The following RARB variants were observed in gnomAD, a reference collection of about 807,000 sequenced individuals.
The protein encoded by RARB is HBV-activated protein.
RARB carries 17 observed loss-of-function variants against 51.9 expected under a neutral mutation model. The observed-to-expected ratio is 0.33, with a 90% confidence interval of 0.22 to 0.49. RARB has a LOEUF of 0.49. RARB is among the 20% of genes least tolerant of loss of function. RARB has a pLI of 0.99. For missense variants in RARB, 369 were observed against 550.8 expected (o/e 0.67, Z 3.30); for synonymous variants, 215 against 195.4 (o/e 1.10, Z -0.84).
chr3:25,409,025 CTCTG>C (rs1707489824), intron 5 of RARB, among the ~76,000 whole-genome samples: 1 of 152,156 alleles, frequency 6.6e-6, no homozygotes, highest in Admixed American at 6.5e-5. Flanking sequence ...CACAGCGAGA[CTCTG>C]TCTCAAAATA....
At chr3:24,995,471 C>A (rs866582757) in intron 2 of RARB, among the ~76,000 whole-genome samples, 1 of 151,956 alleles carries the variant, frequency 6.6e-6, no homozygotes, top group Non-Finnish European at 1.5e-5. Context: ...CTTTGTCTTG[C>A]CAAATTTCTC....
Position 24,913,461 on chromosome 3 carries a change from TCATA to T in RARB, c.-380+54713_-380+54716del, listed in dbSNP as rs536920940. Among the ~76,000 whole-genome samples the T allele has an allele frequency of 3.4e-4, 50 of 149,120 alleles. No individual in the cohort carries two copies. The South Asian group carries it at 0.011, about 32-fold the overall frequency. On this transcript the variant is annotated intron_variant, in intron 2 of 11. Coordinates refer to the RARB transcript ENST00000383772. ...TATAGTACTAATTCAGAAGTATAGC[TCATA>T]CATTTCTCTCAATTCAAGGGCAGAG...
intron 5 of RARB, among the ~76,000 whole-genome samples, chr3:25,268,367 G>A (rs934805337): frequency 1.4e-5 from 2 of 143,554 alleles, no homozygotes; most frequent in African/African-American, 5.1e-5. Context: ...TGGCACTTCT[G>A]ATTCACAGTC....
intron 1 of RARB, among the ~76,000 whole-genome samples, chr3:24,851,537 C>T (rs928921940): frequency 6.6e-6 from 1 of 152,108 alleles, no homozygotes; most frequent in African/African-American, 2.4e-5. Flanking sequence ...AACAGCCTAT[C>T]CCTAATGCAA....
intron 5 of RARB, among the ~76,000 whole-genome samples, chr3:25,225,031 T>C (rs1261007283): frequency 6.6e-6 from 1 of 152,222 alleles, no homozygotes; most frequent in African/African-American, 2.4e-5. Context: ...TCTAGATTTA[T>C]AAAACCATTA....
chr3:25,033,009 T>TCA (rs1697907214), intron 2 of RARB, among the ~76,000 whole-genome samples: 1 of 152,222 alleles, frequency 6.6e-6, no homozygotes, highest in Non-Finnish European at 1.5e-5. Context: ...ACACATCAAC[T>TCA]TAAGTCATTC....
At chr3:25,417,739 ATCTT>A (rs1396590433) in intron 5 of RARB, among the ~76,000 whole-genome samples, 1 of 152,230 alleles carries the variant, frequency 6.6e-6, no homozygotes, top group Non-Finnish European at 1.5e-5. Flanking sequence ...GAGAAATACT[ATCTT>A]TCTTCTTCTT....
At chr3:25,457,411 G>A (rs1460728457) in intron 1 of RARB, among the ~76,000 whole-genome samples, 2 of 152,190 alleles carry the variant, frequency 1.3e-5, no homozygotes, top group Non-Finnish European at 1.5e-5. Context: ...AAAGTTCCTA[G>A]AATTATTGGT....
chr3:24,988,028 A>G (rs1287220744), intron 2 of RARB, among the ~76,000 whole-genome samples: 1 of 151,982 alleles, frequency 6.6e-6, no homozygotes, highest in African/African-American at 2.4e-5. Context: ...TAAGTAACAG[A>G]GTGCTTGAGA....
At chr3:25,294,055 G>A (rs534065059) in intron 5 of RARB, among the ~76,000 whole-genome samples, 7 of 152,230 alleles carry the variant, frequency 4.6e-5, no homozygotes, top group East Asian at 1.9e-4. Context: ...GATGTTCACC[G>A]AAGGATTCAC....
chr3:25,569,215 C>A lies in RARB; in HGVS notation c.449-543C>A, dbSNP rs559541464. Reference sequence around the variant, plus strand: ...TGGTTCATACAGAAAGTTTAGAAAGCAGAAAAACACGAAGGGACAAAAACC... The same window carrying A: ...TGGTTCATACAGAAAGTTTAGAAAGAAGAAAAACACGAAGGGACAAAAACC... On this transcript the variant is annotated intron_variant, in intron 3 of 7. Coordinates refer to ENST00000330688, the MANE Select transcript of RARB (RefSeq NM_000965.5). Among the ~76,000 whole-genome samples the A allele has an allele frequency of 2.3e-4, 35 of 152,300 alleles. No individual in the cohort carries two copies. The South Asian group carries it at 7.0e-3, about 31-fold the overall frequency.
At position 25,567,198 on chromosome 3, in the gene RARB, C is replaced by T. The variant is rs367687707; in HGVS notation, c.449-2560C>T. Among the ~76,000 whole-genome samples, 128 of 152,304 alleles carry T rather than the reference C, an allele frequency of 8.4e-4. 4 individuals carry two copies. The highest frequency in any genetic ancestry group is 2.9e-3 in the African/African-American group (120 of 41,558). ...CATCATTTTAAACTGTACCATTCAG[C>T]GGTGCGTAGTGGATCCACTAAGTTG... On this transcript the variant is annotated intron_variant, in intron 3 of 7. Transcript: ENST00000330688.
chr3:25,553,249 T>G (rs1453120038), intron 3 of RARB, among the ~76,000 whole-genome samples: 5 of 152,146 alleles, frequency 3.3e-5, no homozygotes, highest in African/African-American at 1.2e-4. Flanking sequence ...TCGTTGCCCT[T>G]TCACTGGATG....
chr3:25,437,117 C>CT (rs35238900), intron 1 of RARB, among the ~76,000 whole-genome samples: 49,301 of 139,496 alleles, frequency 0.35, 8,766 homozygotes, highest in Admixed American at 0.39. Context: ...TAAAAGCAAA[C>CT]TTTTTTTTTT....
intron 5 of RARB, among the ~76,000 whole-genome samples, chr3:25,192,643 T>G (rs887974467): frequency 1.3e-5 from 2 of 152,086 alleles, no homozygotes; most frequent in Admixed American, 1.3e-4. Flanking sequence ...TTGCCATAAT[T>G]AGGGGTTACC....
chr3:25,016,324 T>C (rs1304693610), intron 2 of RARB, among the ~76,000 whole-genome samples: 1 of 152,184 alleles, frequency 6.6e-6, no homozygotes, highest in Admixed American at 6.5e-5. Context: ...TTGCCACTCA[T>C]AAGGTTTTGG....
intron 3 of RARB, among the ~76,000 whole-genome samples, chr3:25,104,939 T>C (rs928403211): frequency 1.3e-5 from 2 of 152,182 alleles, no homozygotes; most frequent in Admixed American, 6.5e-5. Context: ...AGCTCCTGTT[T>C]CTTCGTCATG....
At chr3:25,582,258 A>C (rs754748381) in intron 5 of RARB, among the ~76,000 whole-genome samples, 3 of 152,208 alleles carry the variant, frequency 2.0e-5, no homozygotes, top group Non-Finnish European at 4.4e-5. Flanking sequence ...CTTAAAATGT[A>C]ACACTCAGTA....
intron 2 of RARB, among the ~76,000 whole-genome samples, chr3:24,934,762 A>G (rs1239490480): frequency 1.3e-5 from 2 of 152,120 alleles, no homozygotes; most frequent in Non-Finnish European, 2.9e-5. Context: ...TTTTATTTCC[A>G]AGTTTTTTAT....
Sources: allele counts gnomAD v4.1 joint callset (sites outside exome capture counted in the v4.1 genomes callset), GRCh38; gene constraint gnomAD v4.1.1; transcripts MANE v1.5; gene names NCBI Gene and HGNC (gene_info 2026-07-23, HGNC 2026-07-21).